UNC79: variants seen among roughly 807,000 people sequenced by gnomAD.
UNC79 encodes protein unc-79 homolog.
UNC79 carries 37 observed loss-of-function variants against 283.1 expected under a neutral mutation model. The ratio of observed to expected loss-of-function variants is 0.13; its 90% CI spans 0.10 to 0.17. The LOEUF (loss-of-function observed/expected upper bound fraction) is 0.17. UNC79 is among the 10% of genes least tolerant of loss of function. The pLI is 1.00. For missense variants in UNC79, 2,272 were observed against 3,211.1 expected (o/e 0.71, Z 7.07); for synonymous variants, 1,107 against 1,200.2 (o/e 0.92, Z 1.61).
rs147293389 is a variant in UNC79, at chr14:93,531,912, G to T, written c.1094-638G>T. On this transcript the variant is annotated intron_variant, in intron 10 of 48. Coordinates refer to ENST00000555664, the Ensembl canonical transcript of UNC79. The surrounding 1 kb of genome is among the most constrained non-coding windows in gnomAD (Gnocchi z 4.2). The stretch of plus-strand genomic sequence containing the variant: ...GGGGAAATAAGATTAAATTTGTTTG[G>T]CTTTAACAAGATTTGATTTCTAAGT... Among the ~76,000 whole-genome samples the T allele has an allele frequency of 2.6e-5, 4 of 152,204 alleles. No individual in the cohort carries two copies. The East Asian group carries it at 5.8e-4, about 22-fold the overall frequency.
chr14:93,381,143 G>C (rs1038292120), intron 1 of UNC79, among the ~76,000 whole-genome samples: 2 of 152,202 alleles, frequency 1.3e-5, no homozygotes, highest in South Asian at 2.1e-4. Context: ...GTACTAACTA[G>C]TTCCAGTTCT....
chr14:93,493,367 C>T (rs960075127), intron 5 of UNC79, among the ~76,000 whole-genome samples: 1 of 151,964 alleles, frequency 6.6e-6, no homozygotes, highest in Non-Finnish European at 1.5e-5. Flanking sequence ...GGGAGGCCTG[C>T]GTTTATTCCA....
At chr14:93,481,757 C>T (rs549974544) in intron 4 of UNC79, among the ~76,000 whole-genome samples, 1 of 152,164 alleles carries the variant, frequency 6.6e-6, no homozygotes, top group Non-Finnish European at 1.5e-5. Flanking sequence ...ATAGAAAAAA[C>T]AGTAAAAATG....
rs142768207 is a variant in UNC79 at position 93,640,277 on chromosome 14, G to T, written c.5801-868G>T. The stretch of plus-strand genomic sequence containing the variant: ...TGGTATCGATTGGCTGACGTGGAAT[G>T]AGTCACTGGATGGTTCCTTCAAAAA... On this transcript the variant is annotated intron_variant, in intron 32 of 48. Coordinates refer to ENST00000555664, the Ensembl canonical transcript of UNC79. 1.2e-3 allele frequency among the ~76,000 whole-genome samples: 177 copies of T among 152,292 alleles called. 1 individual carries two copies. The highest frequency in any genetic ancestry group is 6.8e-3 in the Middle Eastern group (2 of 294).
intron 1 of UNC79, among the ~76,000 whole-genome samples, chr14:93,379,708 G>T (rs1383781644): frequency 6.6e-6 from 1 of 150,846 alleles, no homozygotes; most frequent in Admixed American, 6.6e-5. Flanking sequence ...GACTGCAGGG[G>T]GAGGGTGGGA....
intron 1 of UNC79, among the ~76,000 whole-genome samples, chr14:93,367,755 A>T (rs1361772345): frequency 6.6e-6 from 1 of 152,232 alleles, no homozygotes; most frequent in East Asian, 1.9e-4. Context: ...GAGCAGTGTT[A>T]AGGGCAGGTA....
intron 25 of UNC79, among the ~76,000 whole-genome samples, chr14:93,601,111 A>T (rs769519944): frequency 5.9e-5 from 9 of 152,160 alleles, no homozygotes; most frequent in African/African-American, 2.2e-4. Flanking sequence ...CATACTTTCT[A>T]AATTTCAATA....
intron 48 of UNC79, among the ~76,000 whole-genome samples, chr14:93,706,444 T>A (rs2075884745): frequency 6.6e-6 from 1 of 152,180 alleles, no homozygotes; most frequent in Non-Finnish European, 1.5e-5. Context: ...AGCACTGGTG[T>A]GGCAGCTTTA....
At chr14:93,604,551 C>G (rs1048329494) in intron 26 of UNC79, among the ~76,000 whole-genome samples, 1 of 152,114 alleles carries the variant, frequency 6.6e-6, no homozygotes, top group African/African-American at 2.4e-5. Flanking sequence ...CTGTTTAAAT[C>G]CTAGAAACCA....
At chr14:93,364,892 A>T (rs940033574) in intron 1 of UNC79, among the ~76,000 whole-genome samples, 1 of 151,976 alleles carries the variant, frequency 6.6e-6, no homozygotes, top group African/African-American at 2.4e-5. Flanking sequence ...ATTTACCAGA[A>T]TCAGGTCACA....
At chr14:93,455,892 T>C (rs1218751583) in intron 1 of UNC79, among the ~76,000 whole-genome samples, 1 of 151,164 alleles carries the variant, frequency 6.6e-6, no homozygotes, top group African/African-American at 2.4e-5. Context: ...TTGTTTTGTT[T>C]TTCCCATCAG....
intron 9 of UNC79, among the ~76,000 whole-genome samples, 188 bp downstream of exon 9, chr14:93,528,834 C>A (rs1255488684): frequency 6.6e-6 from 1 of 152,046 alleles, no homozygotes; most frequent in Non-Finnish European, 1.5e-5. Flanking sequence ...TGAAAAGTTG[C>A]AATATTTCTC....
intron 27 of UNC79, among the ~76,000 whole-genome samples, chr14:93,615,270 C>T (rs2066614313): frequency 6.6e-6 from 1 of 152,148 alleles, no homozygotes; most frequent in African/African-American, 2.4e-5. Flanking sequence ...CAAAGATGAG[C>T]AACGTGAGAG....
chr14:93,449,269 T>C (rs772248664), intron 1 of UNC79, among the ~76,000 whole-genome samples: 5 of 152,176 alleles, frequency 3.3e-5, no homozygotes, highest in Non-Finnish European at 5.9e-5. Context: ...AATCCTCCTC[T>C]TTTACCATAT....
At chr14:93,667,928 G>C (rs1021026972) in intron 40 of UNC79, among the ~76,000 whole-genome samples, 1 of 152,084 alleles carries the variant, frequency 6.6e-6, no homozygotes, top group Non-Finnish European at 1.5e-5. Flanking sequence ...TATTCAGCAG[G>C]TGCAAGAAAA....
intron 31 of UNC79, among the ~76,000 whole-genome samples, chr14:93,633,721 G>A (rs1383153726): frequency 6.6e-6 from 1 of 152,120 alleles, no homozygotes; most frequent in African/African-American, 2.4e-5. Flanking sequence ...GCAATCTACT[G>A]GCAAAAGTGT....
intron 7 of UNC79, among the ~76,000 whole-genome samples, chr14:93,498,631 C>G (rs2059141280): frequency 6.6e-6 from 1 of 151,986 alleles, no homozygotes; most frequent in Admixed American, 6.6e-5. Context: ...CCTGGTTGCT[C>G]AGCCATTCAA....
At chr14:93,547,051 T>A (rs1390654421) in intron 14 of UNC79, among the ~76,000 whole-genome samples, 2 of 152,240 alleles carry the variant, frequency 1.3e-5, no homozygotes, top group Non-Finnish European at 2.9e-5. Flanking sequence ...GAAAGTTCAC[T>A]GTGACACAGT....
chr14:93,499,737 GAC>G (rs1208801689), intron 7 of UNC79, among the ~76,000 whole-genome samples: 1 of 152,110 alleles, frequency 6.6e-6, no homozygotes, highest in Non-Finnish European at 1.5e-5. Context: ...GAGCTGTGGG[GAC>G]ACACAGAAAG....
Sources: allele counts gnomAD v4.1 joint callset (sites outside exome capture counted in the v4.1 genomes callset), GRCh38; gene constraint gnomAD v4.1.1; non-coding constraint Gnocchi (gnomAD v3.1); transcripts MANE v1.5; gene names NCBI Gene and HGNC (gene_info 2026-07-23, HGNC 2026-07-21).